SHROOM4: variants seen among roughly 807,000 people sequenced by gnomAD.
SHROOM4 encodes protein Shroom4.
In SHROOM4, 17 loss-of-function variants were observed where a neutral mutation model predicts 80.3. The ratio of observed to expected loss-of-function variants is 0.21; its 90% CI spans 0.14 to 0.32. SHROOM4 has a LOEUF of 0.32. Among genes scored for constraint, SHROOM4 ranks in the 10% least tolerant of loss-of-function variants. The pLI is 1.00. For missense variants in SHROOM4, 993 were observed against 1,140.3 expected (o/e 0.87, Z 1.86); for synonymous variants, 400 against 437.5 (o/e 0.91, Z 1.07).
chrX:50,745,708 C>G (rs1428671764), intron 1 of SHROOM4, among the ~76,000 whole-genome samples: 2 of 110,714 alleles, frequency 1.8e-5, no homozygotes, highest in African/African-American at 6.6e-5. Context: ...GCTCTATAAT[C>G]AACAGCTGGT....
At chrX:50,576,701 A>T in the SHROOM4 span, among the ~76,000 whole-genome samples, 2 of 110,971 alleles carry the variant, frequency 1.8e-5, no homozygotes, top group African/African-American at 6.6e-5. Context: ...CAATATTTTT[A>T]AAAAATCGGT....
At chrX:50,664,930 C>CACACACACACAA (rs2147377391) in intron 2 of SHROOM4, among the ~76,000 whole-genome samples, 1 of 103,921 alleles carries the variant, frequency 9.6e-6, no homozygotes, top group East Asian at 3.0e-4. Flanking sequence ...ACCACACAGA[C>CACACACACACAA]ACACACACAC....
At chrX:50,620,144 C>A (rs908259074) in intron 5 of SHROOM4, among the ~76,000 whole-genome samples, 4 of 111,687 alleles carry the variant, frequency 3.6e-5, no homozygotes, top group Non-Finnish European at 7.5e-5. Flanking sequence ...TTCAGATTTT[C>A]TTTTTAATTA....
intron 1 of SHROOM4, among the ~76,000 whole-genome samples, chrX:50,720,287 A>G (rs1557265315): frequency 9.0e-6 from 1 of 111,583 alleles, no homozygotes; most frequent in Non-Finnish European, 1.9e-5. Flanking sequence ...GCTGCTCCCA[A>G]CAAGGCAGGA....
chrX:50,780,868 T>C (rs1043533860), intron 1 of SHROOM4, among the ~76,000 whole-genome samples: 4 of 111,248 alleles, frequency 3.6e-5, no homozygotes, highest in Non-Finnish European at 7.5e-5. Context: ...AAGGGAGATA[T>C]TATGAGGGAT....
chrX:50,575,598 T>C, the SHROOM4 span, among the ~76,000 whole-genome samples: 1 of 111,363 alleles, frequency 9.0e-6, no homozygotes, highest in Non-Finnish European at 1.9e-5. Context: ...TGATATTAAA[T>C]AGGAGTGGTG....
At chrX:50,782,240 C>T (rs1935642872) in intron 1 of SHROOM4, among the ~76,000 whole-genome samples, 1 of 111,242 alleles carries the variant, frequency 9.0e-6, no homozygotes, top group African/African-American at 3.3e-5. Context: ...TTAAGTCCAA[C>T]TGTATACAAT....
chrX:50,798,527 C>T (rs1557272314), intron 1 of SHROOM4, among the ~76,000 whole-genome samples: 1 of 111,142 alleles, frequency 9.0e-6, no homozygotes, highest in African/African-American at 3.3e-5. Context: ...GGCTTTGGGG[C>T]TGAAGTAAAA....
rs868949761 is a variant in SHROOM4 at position 50,732,096 on chromosome X, G to A, written c.118-36159C>T. ...AGAAGAATTCTTGTCCTAGGGAGTT[G>A]TTGTAAACAACAGAATAATTGGCCT... is the stretch of plus-strand genomic sequence containing the variant. On this transcript the variant is annotated intron_variant, in intron 1 of 8. Coordinates refer to ENST00000376020, the MANE Select transcript of SHROOM4 (RefSeq NM_020717.5). Among the ~76,000 whole-genome samples, 22 of 111,819 alleles carry A rather than the reference G, an allele frequency of 2.0e-4. No homozygotes were observed. The Middle Eastern group carries it at 0.018, about 94-fold the overall frequency.
intron 5 of SHROOM4, among the ~76,000 whole-genome samples, chrX:50,614,303 T>C (rs1930130424): frequency 8.9e-6 from 1 of 112,191 alleles, no homozygotes; most frequent in South Asian, 3.6e-4. Context: ...TCTTAAAACT[T>C]AAAAAATTAT....
chrX:50,760,496 T>C (rs74765488), intron 1 of SHROOM4, among the ~76,000 whole-genome samples: 1 of 109,192 alleles, frequency 9.2e-6, no homozygotes, highest in East Asian at 2.9e-4. Context: ...CATCACCATG[T>C]CTAGCTAATT....
intron 2 of SHROOM4, among the ~76,000 whole-genome samples, chrX:50,642,553 A>T (rs1931641925): frequency 8.9e-6 from 1 of 112,050 alleles, no homozygotes; most frequent in Admixed American, 9.4e-5. Context: ...ACTCCTGGGC[A>T]TAAGCTATCC....
the SHROOM4 span, among the ~76,000 whole-genome samples, chrX:50,575,567 C>T: frequency 3.6e-5 from 4 of 110,141 alleles, no homozygotes; most frequent in East Asian, 5.7e-4. Context: ...AGTGTTATTG[C>T]GCCAGGTAAG....
At chrX:50,658,449 A>G (rs906799113) in intron 2 of SHROOM4, among the ~76,000 whole-genome samples, 2 of 111,281 alleles carry the variant, frequency 1.8e-5, no homozygotes, top group Non-Finnish European at 3.8e-5. Context: ...CACTTTAACT[A>G]TAGCATTCAT....
intron 2 of SHROOM4, among the ~76,000 whole-genome samples, chrX:50,688,812 A>C (rs782603674): frequency 2.7e-5 from 3 of 110,187 alleles, no homozygotes; most frequent in African/African-American, 9.9e-5. Context: ...TTTTTTACAC[A>C]TCCTCATGTA....
chrX:50,685,129 A>G (rs1020085243), intron 2 of SHROOM4, among the ~76,000 whole-genome samples: 1 of 111,931 alleles, frequency 8.9e-6, no homozygotes, highest in South Asian at 3.8e-4. Context: ...ACAAGAGGTA[A>G]TGAGTCCCTG....
chrX:50,706,578 C>T (rs17003186), intron 1 of SHROOM4, among the ~76,000 whole-genome samples: 6,532 of 111,434 alleles, frequency 0.059, 465 homozygotes, highest in African/African-American at 0.2. Flanking sequence ...TATTATATGA[C>T]TTGCCCGGGA....
intron 2 of SHROOM4, among the ~76,000 whole-genome samples, chrX:50,653,416 G>A (rs1461391914): frequency 1.8e-5 from 2 of 111,975 alleles, no homozygotes; most frequent in Admixed American, 9.5e-5. Flanking sequence ...CATTGATTTT[G>A]TATCCTGAGA....
intron 1 of SHROOM4, among the ~76,000 whole-genome samples, chrX:50,768,690 A>G (rs991593959): frequency 3.6e-5 from 4 of 112,423 alleles, no homozygotes; most frequent in African/African-American, 1.3e-4. Context: ...TGTCAGCAAC[A>G]AATAGTGTAT....
Sources: allele counts gnomAD v4.1 joint callset (sites outside exome capture counted in the v4.1 genomes callset), GRCh38; gene constraint gnomAD v4.1.1; transcripts MANE v1.5; gene names NCBI Gene and HGNC (gene_info 2026-07-23, HGNC 2026-07-21).